The following DNAJC6 variants were observed in gnomAD, a reference collection of about 807,000 sequenced individuals.
The protein encoded by DNAJC6 is DnaJ heat shock protein family (Hsp40) member C6, also known as auxilin.
Under a neutral mutation model 110.0 loss-of-function variants are expected in DNAJC6, and 34 were observed. That is an observed-to-expected ratio of 0.31 (90% CI 0.24 to 0.41). DNAJC6 has a LOEUF of 0.41. Ranked by LOEUF, DNAJC6 falls within the 10% of genes least tolerant of loss-of-function variation. The pLI, the probability that DNAJC6 is intolerant of heterozygous loss-of-function variation, is 1.00. For missense variants in DNAJC6, 1,031 were observed against 1,207.8 expected, an observed-to-expected ratio of 0.85 and a Z score of 2.17; for synonymous variants, 406 against 437.2, an observed-to-expected ratio of 0.93 and a Z score of 0.89.
Position 65,394,513 on chromosome 1 carries a change from G to C in DNAJC6, c.1904-385G>C, listed in dbSNP as rs9436728. On this transcript the variant is annotated intron_variant, in intron 12 of 18. Transcript: ENST00000371069. ...AAATTTTGAGCTCTTGTCTTGTGGT[G>C]TTGGGCAGTTTTAGTTATTGGAGAA... Among the ~76,000 whole-genome samples, 159 of 152,330 alleles carry C rather than the reference G, an allele frequency of 1.0e-3. 1 individual carries two copies. The highest frequency in any genetic ancestry group is 3.7e-3 in the African/African-American group (154 of 41,572).
At chr1:65,392,995 G>T in intron 12 of DNAJC6, 130 bp downstream of exon 12, 2 of 817,242 alleles carry the variant, frequency 2.4e-6, no homozygotes, top group Non-Finnish European at 3.4e-6. Context: ...GAGGAGGTCT[G>T]TATCTTTATT....
At chr1:65,328,569 A>G (rs1316232602) in intron 1 of DNAJC6, among the ~76,000 whole-genome samples, 1 of 152,236 alleles carries the variant, frequency 6.6e-6, no homozygotes, top group Non-Finnish European at 1.5e-5. Context: ...TTTCTCAACT[A>G]TGTGGGTTCC....
At chr1:65,285,905 G>A (rs137868050) in intron 1 of DNAJC6, among the ~76,000 whole-genome samples, 357 of 152,084 alleles carry the variant, frequency 2.3e-3, no homozygotes, top group African/African-American at 8.0e-3. Flanking sequence ...TCCTGGCCTC[G>A]AGTGATCTGC....
At chr1:65,397,895 C>T (rs906075900) in intron 13 of DNAJC6, among the ~76,000 whole-genome samples, 2 of 152,018 alleles carry the variant, frequency 1.3e-5, no homozygotes, top group African/African-American at 4.8e-5. Flanking sequence ...GAATGCTAAT[C>T]TTGATGCCTT....
chr1:65,273,970 T>C (rs1446607077), intron 1 of DNAJC6, among the ~76,000 whole-genome samples: 2 of 152,212 alleles, frequency 1.3e-5, no homozygotes, highest in Admixed American at 1.3e-4. Context: ...TATATGTTAA[T>C]TATTTCAATT....
intron 1 of DNAJC6, among the ~76,000 whole-genome samples, chr1:65,273,997 C>G (rs973859832): frequency 6.6e-6 from 1 of 152,068 alleles, no homozygotes; most frequent in Admixed American, 6.6e-5. Flanking sequence ...TCCTGAGGTG[C>G]GGATCTTCTG....
chr1:65,377,125 G>C (rs998366971), intron 4 of DNAJC6, among the ~76,000 whole-genome samples: 3 of 152,288 alleles, frequency 2.0e-5, no homozygotes, highest in African/African-American at 7.2e-5. Context: ...TCTAGAAAAT[G>C]TTCCATGTGC....
chr1:65,371,800 G>A (rs1645709047), intron 4 of DNAJC6, among the ~76,000 whole-genome samples: 1 of 152,176 alleles, frequency 6.6e-6, no homozygotes, highest in Non-Finnish European at 1.5e-5. Flanking sequence ...AGGTGTTCAG[G>A]AAAACTGGCG....
chr1:65,312,236 G>A (rs988506666), intron 1 of DNAJC6, among the ~76,000 whole-genome samples: 3 of 152,082 alleles, frequency 2.0e-5, no homozygotes, highest in Non-Finnish European at 4.4e-5. Flanking sequence ...ATTTTATTAG[G>A]GGAATATTGT....
At chr1:65,315,285 G>GT (rs59005722) in intron 1 of DNAJC6, among the ~76,000 whole-genome samples, 28,456 of 145,626 alleles carry the variant, frequency 0.2, 2,924 homozygotes, top group East Asian at 0.28. Flanking sequence ...TGAGAATAAT[G>GT]TTTTTTTTTT....
intron 4 of DNAJC6, among the ~76,000 whole-genome samples, chr1:65,378,086 C>CCTCT (rs10679923): frequency 0.25 from 37,875 of 151,782 alleles, 8,178 homozygotes; most frequent in East Asian, 0.61. Flanking sequence ...TGTCCCACCA[C>CCTCT]CTATCTCCTG....
intron 4 of DNAJC6, among the ~76,000 whole-genome samples, chr1:65,372,773 T>A (rs1490213862): frequency 6.6e-6 from 1 of 152,154 alleles, no homozygotes; most frequent in East Asian, 1.9e-4. Flanking sequence ...AACTGGGGCA[T>A]GAGTATAAAG....
At chr1:65,354,967 G>A (rs1645527943) in intron 1 of DNAJC6, among the ~76,000 whole-genome samples, 1 of 152,112 alleles carries the variant, frequency 6.6e-6, no homozygotes, top group South Asian at 2.1e-4. Flanking sequence ...AAACCTTCCA[G>A]CAACTTCCCC....
intron 1 of DNAJC6, among the ~76,000 whole-genome samples, chr1:65,327,612 G>T (rs751063428): frequency 4.6e-5 from 7 of 152,116 alleles, no homozygotes; most frequent in Non-Finnish European, 7.4e-5. Context: ...TAGGGGAATT[G>T]TTTGGTCAGG....
chr1:65,321,657 C>T (rs1645198337), intron 1 of DNAJC6, among the ~76,000 whole-genome samples: 1 of 152,196 alleles, frequency 6.6e-6, no homozygotes, highest in Non-Finnish European at 1.5e-5. Flanking sequence ...CTTTGTTATG[C>T]TCTATCATAT....
At chr1:65,312,428 CA>C (rs968250620) in intron 1 of DNAJC6, among the ~76,000 whole-genome samples, 1 of 152,158 alleles carries the variant, frequency 6.6e-6, no homozygotes, top group African/African-American at 2.4e-5. Context: ...GTGGCCTGTG[CA>C]GTGTAAATAT....
intron 11 of DNAJC6, among the ~76,000 whole-genome samples, 156 bp downstream of exon 11, chr1:65,389,783 G>C (rs557402486): frequency 6.6e-6 from 1 of 152,298 alleles, no homozygotes; most frequent in East Asian, 1.9e-4. Context: ...CACTTTGGAA[G>C]GCCAGGATAG....
At chr1:65,313,841 G>A (rs1221569068) in intron 1 of DNAJC6, among the ~76,000 whole-genome samples, 1 of 152,110 alleles carries the variant, frequency 6.6e-6, no homozygotes, top group Non-Finnish European at 1.5e-5. Flanking sequence ...TTATTCTCTA[G>A]AAAAGGTTGT....
chr1:65,396,463 C>T (rs1645977643), intron 13 of DNAJC6, among the ~76,000 whole-genome samples: 1 of 152,204 alleles, frequency 6.6e-6, no homozygotes, highest in Admixed American at 6.5e-5. Context: ...TTACTCTCTG[C>T]ATTCCAGCTG....
Sources: allele counts gnomAD v4.1 joint callset (sites outside exome capture counted in the v4.1 genomes callset), GRCh38; gene constraint gnomAD v4.1.1; transcripts MANE v1.5; gene names NCBI Gene and HGNC (gene_info 2026-07-23, HGNC 2026-07-21).